The following EPHB2 variants were observed in gnomAD, a reference collection of about 807,000 sequenced individuals.
EPHB2 encodes EPH receptor B2, also known as ephrin type-B receptor 2.
In EPHB2, 18 loss-of-function variants were observed where a neutral mutation model predicts 96.4. The observed-to-expected ratio is 0.19, with a 90% CI of 0.13 to 0.28. The LOEUF is 0.28. EPHB2 is among the 10% of genes least tolerant of loss of function. The probability of loss-of-function intolerance (pLI) is 1.00; values close to 1 mark genes in which losing one functional copy is unlikely to be tolerated. For synonymous variants in EPHB2, 506 were observed against 534.1 expected, an observed-to-expected ratio of 0.95 and a Z score of 0.72; for missense variants, 989 against 1,355.4, an observed-to-expected ratio of 0.73 and a Z score of 4.25.
At chr1:22,775,343 C>A (rs114369626) in intron 1 of EPHB2, 27,699 of 746,158 alleles carry the variant, frequency 0.037, 668 homozygotes, top group Admixed American at 0.067. Context: ...ATTTAGAGGG[C>A]CCTGGCCAGC....
At chr1:22,786,080 G>A (rs1430905298) in intron 3 of EPHB2, among the ~76,000 whole-genome samples, 1 of 152,212 alleles carries the variant, frequency 6.6e-6, no homozygotes, top group African/African-American at 2.4e-5. Flanking sequence ...AACACGAGAA[G>A]TTTGTGAGAG....
At chr1:22,713,454 GTGA>G (rs1024933508) in intron 1 of EPHB2, among the ~76,000 whole-genome samples, 1 of 152,172 alleles carries the variant, frequency 6.6e-6, no homozygotes, top group Non-Finnish European at 1.5e-5. Flanking sequence ...CCCCCGTCTA[GTGA>G]GAGTGATGAC....
chr1:22,810,229 C>G (rs900799846), intron 3 of EPHB2, among the ~76,000 whole-genome samples: 3 of 152,126 alleles, frequency 2.0e-5, no homozygotes, highest in Non-Finnish European at 2.9e-5. Flanking sequence ...GGGACCCTGC[C>G]ACTGCCAACA....
Position 22,860,440 on chromosome 1 carries a change from G to T in EPHB2, c.812-2597G>T, listed in dbSNP as rs892707947. 2.6e-5 allele frequency among the ~76,000 whole-genome samples: 4 copies of T among 152,104 alleles called. No individual in the cohort carries two copies. The highest frequency in any genetic ancestry group is 5.9e-5 in the Non-Finnish European group (4 of 68,024). On this transcript the variant is annotated intron_variant, in intron 3 of 15. Transcript: ENST00000374630. This position sits in a 1 kb window ranked among gnomAD's most constrained non-coding sequence, Gnocchi z 4.6. ...AAATGATACAGTGCCCGGTGGTGGG[G>T]GTCGAACCTGGCCAGGCAACAGAGC...
chr1:22,902,720 G>A (rs548217501), intron 9 of EPHB2, among the ~76,000 whole-genome samples: 4 of 152,304 alleles, frequency 2.6e-5, no homozygotes, highest in Admixed American at 1.3e-4. Context: ...AAGCCCTCAC[G>A]GGCAGCAGAG....
At chr1:22,800,702 A>ATGTGTG (rs59671872) in intron 3 of EPHB2, among the ~76,000 whole-genome samples, 35 of 148,858 alleles carry the variant, frequency 2.4e-4, no homozygotes, top group South Asian at 4.3e-4. Context: ...GTGTGAGTAT[A>ATGTGTG]TGTGTGTGTG....
chr1:22,784,023 G>T lies in EPHB2; in HGVS notation c.127-369G>T, dbSNP rs1644572237. On this transcript the variant is annotated intron_variant, in intron 2 of 15. Coordinates refer to ENST00000374630, the MANE Select transcript of EPHB2 (RefSeq NM_017449.5). The surrounding 1 kb of genome is among the most constrained non-coding windows in gnomAD (Gnocchi z 5.1). ...AGGTCCTGTCTCCTCCATCAGACTG[G>T]TAGCCCCCACAACCACAAAGCTATG... Among the ~76,000 whole-genome samples the T allele has an allele frequency of 6.6e-6, 1 of 152,092 alleles. No homozygotes were observed. Among genetic ancestry groups the T allele is most frequent in the Non-Finnish European group, 1.5e-5 (1 of 68,018 alleles).
intron 2 of EPHB2, among the ~76,000 whole-genome samples, chr1:22,783,936 C>A (rs577395522): frequency 6.6e-6 from 1 of 152,048 alleles, no homozygotes; most frequent in Non-Finnish European, 1.5e-5. Flanking sequence ...TCCATCAGAC[C>A]GAGAGTTCCC....
intron 6 of EPHB2, among the ~76,000 whole-genome samples, chr1:22,889,286 G>A (rs767808968): frequency 2.6e-4 from 39 of 152,158 alleles, no homozygotes; most frequent in Admixed American, 2.2e-3. Flanking sequence ...ACCAGCAGCC[G>A]CCTCTCATCT....
intron 1 of EPHB2, among the ~76,000 whole-genome samples, chr1:22,724,451 C>T (rs776021057): frequency 3.3e-5 from 5 of 152,254 alleles, no homozygotes; most frequent in South Asian, 2.1e-4. Flanking sequence ...TGGTCTTACC[C>T]GCAGCTTACC....
intron 1 of EPHB2, among the ~76,000 whole-genome samples, chr1:22,731,558 G>A (rs985391314): frequency 2.6e-5 from 4 of 152,176 alleles, no homozygotes; most frequent in African/African-American, 9.7e-5. Context: ...AACCATCATC[G>A]GCTAGGCGCG....
intron 1 of EPHB2, among the ~76,000 whole-genome samples, chr1:22,750,328 G>A (rs1490846210): frequency 6.6e-6 from 1 of 152,148 alleles, no homozygotes; most frequent in East Asian, 1.9e-4. Flanking sequence ...AGATGGGCTG[G>A]GATGGGTGCT....
Position 22,740,884 on chromosome 1 carries a change from A to G in EPHB2, c.61+29841A>G, listed in dbSNP as rs369951529. On this transcript the variant is annotated intron_variant, in intron 1 of 15. Coordinates refer to ENST00000374630, the MANE Select transcript of EPHB2 (RefSeq NM_017449.5). ...CATTTTCCTCATCAGTAAAATAGGG[A>G]GCAGAACAGAACCTTCCTCCCCTGG... Among the ~76,000 whole-genome samples the G allele has an allele frequency of 2.4e-4, 36 of 151,922 alleles. No homozygotes were observed. In the South Asian group the frequency reaches 7.3e-3, roughly 31 times the overall value.
At chr1:22,763,919 C>T (rs1487173572) in intron 1 of EPHB2, among the ~76,000 whole-genome samples, 1 of 152,174 alleles carries the variant, frequency 6.6e-6, no homozygotes, top group Non-Finnish European at 1.5e-5. Flanking sequence ...CAAAGTGTGT[C>T]ATTCCCACCT....
At chr1:22,828,752 A>G (rs1167256443) in intron 3 of EPHB2, among the ~76,000 whole-genome samples, 1 of 152,244 alleles carries the variant, frequency 6.6e-6, no homozygotes, top group Non-Finnish European at 1.5e-5. Context: ...TGTTGCAATC[A>G]TTTAATCATT....
intron 3 of EPHB2, among the ~76,000 whole-genome samples, chr1:22,821,711 G>A (rs1457512151): frequency 6.6e-6 from 1 of 152,096 alleles, no homozygotes; most frequent in East Asian, 1.9e-4. Flanking sequence ...TGCCCTTTGG[G>A]GCTTCTGTTA....
intron 3 of EPHB2, among the ~76,000 whole-genome samples, chr1:22,815,249 G>C (rs1438994602): frequency 6.6e-6 from 1 of 152,196 alleles, no homozygotes; most frequent in African/African-American, 2.4e-5. Flanking sequence ...GGACAGGCTA[G>C]AGATGGAAGG....
At position 22,863,083 on chromosome 1, in the gene EPHB2, T is replaced by C; in HGVS notation, c.858T>C (p.Cys286=). The C allele has an allele frequency of 6.2e-7, 1 of 1,614,202 alleles. No homozygotes were observed. The highest frequency in any genetic ancestry group is 2.2e-5 in the East Asian group (1 of 44,882). ...TFKANQGDEA[C]THCPINSRTT... ...AGGCCAACCAAGGGGATGAGGCCTG[T>C]ACCCACTGTCCCATCAACAGCCGGA... Residue 286 remains cysteine (C), a synonymous_variant, in exon 4 of 16, where the codon TGT becomes TGC. Coordinates refer to ENST00000374630, the MANE Select transcript of EPHB2 (RefSeq NM_017449.5).
intron 1 of EPHB2, among the ~76,000 whole-genome samples, chr1:22,739,946 C>T (rs1264647184): frequency 1.9e-4 from 29 of 152,342 alleles, no homozygotes; most frequent in African/African-American, 1.2e-4. Context: ...ATTCCCTCGT[C>T]GGCTCAGACT....
Sources: allele counts gnomAD v4.1 joint callset (sites outside exome capture counted in the v4.1 genomes callset), GRCh38; gene constraint gnomAD v4.1.1; non-coding constraint Gnocchi (gnomAD v3.1); transcripts MANE v1.5; gene names NCBI Gene and HGNC (gene_info 2026-07-23, HGNC 2026-07-21).